PPM1D: variants seen among roughly 807,000 people sequenced by gnomAD.
The protein encoded by PPM1D is protein phosphatase 1D.
Under a neutral mutation model 58.3 loss-of-function variants are expected in PPM1D, and 52 were observed. The observed-to-expected ratio is 0.89, with a 90% CI of 0.71 to 1.12. The LOEUF (loss-of-function observed/expected upper bound fraction) is 1.12, where lower values mean the gene tolerates loss of function less well. PPM1D is among the 50% of genes most tolerant of loss of function. PPM1D has a pLI of 0.00. For synonymous variants in PPM1D, 278 were observed against 285.1 expected, an observed-to-expected ratio of 0.98 and a Z score of 0.25; for missense variants, 564 against 777.2, an observed-to-expected ratio of 0.73 and a Z score of 3.26.
At chr17:60,616,631 ATACT>A (rs1421383180) in intron 1 of PPM1D, among the ~76,000 whole-genome samples, 1 of 152,162 alleles carries the variant, frequency 6.6e-6, no homozygotes, top group Non-Finnish European at 1.5e-5. Context: ...GAATTGAGGG[ATACT>A]TAAACTACCA....
rs552167062 is a variant in PPM1D at position 60,641,617 on chromosome 17, G to A, written c.827-6275G>A. Among the ~76,000 whole-genome samples, 149 of 152,160 alleles carry A rather than the reference G, an allele frequency of 9.8e-4. 1 individual carries two copies. Among genetic ancestry groups the A allele is most frequent in the African/African-American group, 3.5e-3 (144 of 41,538 alleles). On this transcript the variant is annotated intron_variant, in intron 3 of 5. Coordinates refer to ENST00000305921, the MANE Select transcript of PPM1D (RefSeq NM_003620.4). Reference sequence around the variant, plus strand: ...GTCCTACTTGTCAATTTTTGTTTTTGTTACAGTTGCTTTTGAGGATTTAGT... The same window carrying A: ...GTCCTACTTGTCAATTTTTGTTTTTATTACAGTTGCTTTTGAGGATTTAGT...
chr17:60,654,045 C>T (rs1387951138), intron 4 of PPM1D, among the ~76,000 whole-genome samples: 1 of 151,882 alleles, frequency 6.6e-6, no homozygotes, highest in Non-Finnish European at 1.5e-5. Context: ...TTGCTCTGGC[C>T]GGGACTTCCA....
intron 1 of PPM1D, among the ~76,000 whole-genome samples, chr17:60,602,315 T>G (rs898104562): frequency 6.6e-6 from 1 of 152,240 alleles, no homozygotes; most frequent in Non-Finnish European, 1.5e-5. Flanking sequence ...CAGAACTATT[T>G]AGAGTGCTGT....
Position 60,663,335 on chromosome 17 carries a change from TTAAAAGG to T in PPM1D, c.1602_1608del (p.Phe534LeufsTer3). 1 of 1,614,090 alleles carries T rather than the reference TTAAAAGG, an allele frequency of 6.2e-7. No homozygotes were observed. Among genetic ancestry groups the T allele is most frequent in the Non-Finnish European group, 8.5e-7 (1 of 1,180,012 alleles). Reference sequence around the variant, plus strand: ...ATTGAAAGAACCCCTCCAACAAACTTTAAAAGGACATTAGAAGAGTCCAATTCTGGCC... The same window carrying T: ...ATTGAAAGAACCCCTCCAACAAACTTACATTAGAAGAGTCCAATTCTGGCC... On this transcript the variant is annotated frameshift_variant, in exon 6 of 6. Coordinates refer to ENST00000305921, the MANE Select transcript of PPM1D (RefSeq NM_003620.4). LOFTEE classifies it high-confidence loss of function.
At chr17:60,661,257 A>G (rs772782732) in intron 5 of PPM1D, among the ~76,000 whole-genome samples, 1 of 149,200 alleles carries the variant, frequency 6.7e-6, no homozygotes, top group African/African-American at 2.5e-5. Flanking sequence ...GTGTTTATTT[A>G]TAGGAGATTT....
intron 3 of PPM1D, among the ~76,000 whole-genome samples, chr17:60,640,180 A>G (rs1289907039): frequency 6.6e-6 from 1 of 152,116 alleles, no homozygotes; most frequent in Non-Finnish European, 1.5e-5. Flanking sequence ...GCGTGGTTGC[A>G]CGCGCTTGTA....
chr17:60,632,630 T>TGG (rs1001714980), intron 2 of PPM1D, among the ~76,000 whole-genome samples: 2 of 151,868 alleles, frequency 1.3e-5, no homozygotes, highest in African/African-American at 4.8e-5. Flanking sequence ...GAGACTGAAG[T>TGG]GGGAGGATGG....
chr17:60,629,175 G>C (rs2030871059), intron 2 of PPM1D, among the ~76,000 whole-genome samples: 1 of 152,202 alleles, frequency 6.6e-6, no homozygotes. Flanking sequence ...GAATGGAATT[G>C]CATCTTGGTA....
intron 1 of PPM1D, among the ~76,000 whole-genome samples, chr17:60,614,875 A>G (rs2030549678): frequency 6.6e-6 from 1 of 152,164 alleles, no homozygotes; most frequent in Non-Finnish European, 1.5e-5. Context: ...ATCAGAAGGA[A>G]CAAATTCTGG....
intron 3 of PPM1D, among the ~76,000 whole-genome samples, chr17:60,640,341 A>G (rs2031109013): frequency 6.6e-6 from 1 of 152,206 alleles, no homozygotes; most frequent in South Asian, 2.1e-4. Context: ...TATCTTAAAA[A>G]CAATTGTGAA....
chr17:60,634,189 T>A (rs2030980580), intron 3 of PPM1D, among the ~76,000 whole-genome samples: 1 of 152,148 alleles, frequency 6.6e-6, no homozygotes. Flanking sequence ...GGTGGGCGGA[T>A]CTCTTGAGGT....
At chr17:60,652,021 AAC>A (rs573654368) in intron 4 of PPM1D, among the ~76,000 whole-genome samples, 79 of 152,340 alleles carry the variant, frequency 5.2e-4, no homozygotes, top group African/African-American at 1.9e-3. Context: ...AGATTTTTAA[AAC>A]ACACTTTAAA....
chr17:60,616,229 A>G (rs1410206791), intron 1 of PPM1D, among the ~76,000 whole-genome samples: 1 of 149,658 alleles, frequency 6.7e-6, no homozygotes, highest in African/African-American at 2.5e-5. Flanking sequence ...CGGAGGTTGC[A>G]GTGAGCTGAG....
At chr17:60,649,939 A>G (rs2031313932) in intron 4 of PPM1D, among the ~76,000 whole-genome samples, 1 of 152,230 alleles carries the variant, frequency 6.6e-6, no homozygotes, top group Admixed American at 6.5e-5. Context: ...TCAAAGAGTA[A>G]CATAAAGACT....
intron 4 of PPM1D, among the ~76,000 whole-genome samples, chr17:60,651,780 A>C (rs752558539): frequency 8.5e-5 from 13 of 152,214 alleles, no homozygotes; most frequent in Non-Finnish European, 7.3e-5. Context: ...GGTATTCTAC[A>C]TGAAGAAAAC....
intron 2 of PPM1D, among the ~76,000 whole-genome samples, chr17:60,631,348 G>A (rs551971278): frequency 6.7e-6 from 1 of 150,188 alleles, no homozygotes; most frequent in South Asian, 2.1e-4. Flanking sequence ...GTTCTCAAAA[G>A]GGATGGTAGG....
At chr17:60,617,602 C>A (rs1036199629) in intron 1 of PPM1D, among the ~76,000 whole-genome samples, 2 of 151,720 alleles carry the variant, frequency 1.3e-5, no homozygotes, top group Admixed American at 1.3e-4. Flanking sequence ...CTAGTAAACA[C>A]CCCAAATAAT....
At chr17:60,658,567 G>GA (rs1481591265) in intron 5 of PPM1D, among the ~76,000 whole-genome samples, 1 of 150,820 alleles carries the variant, frequency 6.6e-6, no homozygotes, top group African/African-American at 2.4e-5. Context: ...AGAATCGCTT[G>GA]AACCCAGGAG....
At position 60,663,053 on chromosome 17, in the gene PPM1D, T is replaced by G; in HGVS notation, c.1319T>G (p.Val440Gly). 1 of 1,614,162 alleles carries G rather than the reference T, an allele frequency of 6.2e-7. No homozygotes were observed. Among genetic ancestry groups the G allele is most frequent in the Non-Finnish European group, 8.5e-7 (1 of 1,180,006 alleles). Residue 440 changes from valine (V) to glycine (G), a missense_variant, in exon 6 of 6, where the codon GTT becomes GGT. Physicochemically the swap from Val to Gly is moderately radical, Grantham distance 109. Around this residue, in one of 7 missense-constraint regions of PPM1D, gnomAD observed 261 missense variants for 270.1 expected, o/e 0.97. Transcript: ENST00000305921. Reference sequence around the variant, plus strand: ...TCTAAGGACCATATACCTGCCCTGGTTCGTAGCAATGCCTTCTCAGAGAAT... The same window carrying G: ...TCTAAGGACCATATACCTGCCCTGGGTCGTAGCAATGCCTTCTCAGAGAAT... ...VNSKDHIPAL[V>G]RSNAFSENFL...
Sources: allele counts gnomAD v4.1 joint callset (sites outside exome capture counted in the v4.1 genomes callset), GRCh38; gene constraint gnomAD v4.1.1; regional missense constraint gnomAD v4.1.1; transcripts MANE v1.5; gene names NCBI Gene and HGNC (gene_info 2026-07-23, HGNC 2026-07-21).